The following POR variants were observed in gnomAD, a reference collection of about 807,000 sequenced individuals.
The protein encoded by POR is NADPH--cytochrome P450 reductase.
A neutral mutation model predicts 84.0 loss-of-function variants in POR; 56 were observed. That is an observed-to-expected ratio of 0.67 (90% CI 0.54 to 0.83). The LOEUF is 0.83. Among genes scored for constraint, POR ranks in the 40% least tolerant of loss-of-function variants. The pLI is 0.00. For missense variants in POR, 938 were observed against 944.3 expected, an observed-to-expected ratio of 0.99 and a Z score of 0.09; for synonymous variants, 414 against 400.5, an observed-to-expected ratio of 1.03 and a Z score of -0.40.
At chr7:75,926,512 C>T (rs1430268837) in intron 1 of POR, among the ~76,000 whole-genome samples, 2 of 152,156 alleles carry the variant, frequency 1.3e-5, no homozygotes, top group African/African-American at 4.8e-5. Context: ...ATATTGAGTG[C>T]TGGCCAGGTG....
intron 2 of POR, among the ~76,000 whole-genome samples, chr7:75,955,880 C>A (rs2116432719): frequency 1.3e-5 from 2 of 152,342 alleles, no homozygotes; most frequent in Admixed American, 1.3e-4. Flanking sequence ...AATCCCGATT[C>A]CCTATTCCAA....
rs993184212 is a variant in POR at position 75,953,176 on chromosome 7, A to G, written c.-4-813A>G. Among the ~76,000 whole-genome samples, 7 of 152,086 alleles carry G rather than the reference A, an allele frequency of 4.6e-5. No homozygotes were observed. The East Asian group carries it at 1.2e-3, about 25-fold the overall frequency. ...CACCAAAAAAATACGAGAACCAGTCAGGCGTGGCGGCGCGCGCCTGCAATC... is the reference window on the plus strand; with the variant it reads ...CACCAAAAAAATACGAGAACCAGTCGGGCGTGGCGGCGCGCGCCTGCAATC... On this transcript the variant is annotated intron_variant, in intron 1 of 15. Transcript: ENST00000461988.
At chr7:75,960,563 A>T (rs1554554352) in intron 2 of POR, among the ~76,000 whole-genome samples, 1 of 152,006 alleles carries the variant, frequency 6.6e-6, no homozygotes, top group Non-Finnish European at 1.5e-5. Flanking sequence ...TCCCTGCCTC[A>T]GCCTTGCAAA....
intron 5 of POR, 60 bp from the exon 6 acceptor site, chr7:75,980,986 ATG>A: frequency 6.7e-7 from 1 of 1,490,446 alleles, no homozygotes. Flanking sequence ...CCCTGCCCCC[ATG>A]GCCCCTCCCA....
chr7:75,974,631 A>G (rs370678315), intron 3 of POR, among the ~76,000 whole-genome samples: 7 of 150,530 alleles, frequency 4.7e-5, no homozygotes, highest in African/African-American at 1.5e-4. Flanking sequence ...GGTTCAAGCA[A>G]TTCTCATGCC....
intron 3 of POR, among the ~76,000 whole-genome samples, chr7:75,978,210 T>C (rs956006903): frequency 1.3e-5 from 2 of 152,152 alleles, no homozygotes; most frequent in African/African-American, 4.8e-5. Flanking sequence ...TATACATATC[T>C]ATTATTTATA....
intron 1 of POR, among the ~76,000 whole-genome samples, chr7:75,929,275 T>C (rs1360426631): frequency 1.3e-5 from 2 of 152,062 alleles, no homozygotes; most frequent in Non-Finnish European, 2.9e-5. Flanking sequence ...ACTTTTTTTG[T>C]TTTTTTGAGA....
intron 1 of POR, among the ~76,000 whole-genome samples, chr7:75,938,460 C>T (rs952237503): frequency 8.5e-5 from 13 of 152,168 alleles, no homozygotes; most frequent in Non-Finnish European, 1.5e-5. Context: ...CTGGGTGTCT[C>T]TTAAAAGTTT....
At chr7:75,935,242 G>C (rs1274318712) in intron 1 of POR, among the ~76,000 whole-genome samples, 3 of 152,080 alleles carry the variant, frequency 2.0e-5, no homozygotes, top group South Asian at 4.1e-4. Context: ...ATGACTGTCT[G>C]CCAGGTGCGG....
chr7:75,981,001 G>T, intron 5 of POR, 47 bp from the exon 6 acceptor site: 1 of 1,513,204 alleles, frequency 6.6e-7, no homozygotes, highest in South Asian at 1.3e-5. Flanking sequence ...CCCTCCCACT[G>T]GTCAGGTCGA....
At chr7:75,982,875 C>T (rs1789138652) in intron 8 of POR, among the ~76,000 whole-genome samples, 2 of 152,162 alleles carry the variant, frequency 1.3e-5, no homozygotes, top group Non-Finnish European at 2.9e-5. Flanking sequence ...CGGTGTAGTC[C>T]AGGACGTGTG....
At chr7:75,950,037 TA>T (rs1426888072) in intron 1 of POR, among the ~76,000 whole-genome samples, 1 of 151,442 alleles carries the variant, frequency 6.6e-6, no homozygotes, top group Non-Finnish European at 1.5e-5. Context: ...TAATTTCTTG[TA>T]TTTTTTTTTT....
chr7:75,918,974 T>C (rs975832400), intron 1 of POR, among the ~76,000 whole-genome samples: 39 of 151,328 alleles, frequency 2.6e-4, no homozygotes, highest in Admixed American at 1.1e-3. Flanking sequence ...AGGTCAGGGC[T>C]ATGTGACTAG....
chr7:75,956,888 G>T (rs1255040457), intron 2 of POR, among the ~76,000 whole-genome samples: 1 of 152,082 alleles, frequency 6.6e-6, no homozygotes, highest in Admixed American at 6.5e-5. Context: ...ACCACGCCTG[G>T]CTAATTTTTG....
In POR at chr7:75,917,548, T is replaced by C. The variant is rs544902051; in HGVS notation, c.-5+2369T>C. On this transcript the variant is annotated intron_variant, in intron 1 of 15. Transcript: ENST00000461988. Reference sequence around the variant, plus strand: ...GCACTAGCACCGTGTGTGGCCTCAATTGAGCATGTTGGGATTTAACTTTCT... The same window carrying C: ...GCACTAGCACCGTGTGTGGCCTCAACTGAGCATGTTGGGATTTAACTTTCT... Among the ~76,000 whole-genome samples, 41 of 152,230 alleles carry C rather than the reference T, an allele frequency of 2.7e-4. No homozygotes were observed. In the South Asian group the frequency reaches 5.8e-3, roughly 22 times the overall value.
intron 2 of POR, among the ~76,000 whole-genome samples, chr7:75,960,987 C>T (rs1230878394): frequency 6.6e-6 from 1 of 152,140 alleles, no homozygotes; most frequent in East Asian, 1.9e-4. Context: ...AATCCCAGCA[C>T]TCTGGGAGGC....
intron 1 of POR, among the ~76,000 whole-genome samples, chr7:75,933,356 A>G (rs1281409161): frequency 7.3e-6 from 1 of 137,830 alleles, no homozygotes; most frequent in Non-Finnish European, 1.6e-5. Flanking sequence ...TATAGTCACC[A>G]TGTTATACAA....
At chr7:75,927,679 T>C (rs1196591164) in intron 1 of POR, among the ~76,000 whole-genome samples, 1 of 150,870 alleles carries the variant, frequency 6.6e-6, no homozygotes, top group Non-Finnish European at 1.5e-5. Flanking sequence ...AATTTTTTTT[T>C]TTTTTTTTTG....
At chr7:75,916,789 C>T (rs1391866057) in intron 1 of POR, among the ~76,000 whole-genome samples, 3 of 152,148 alleles carry the variant, frequency 2.0e-5, no homozygotes, top group East Asian at 3.9e-4. Context: ...CAGCATTGAC[C>T]GCAGCCAATG....
Sources: allele counts gnomAD v4.1 joint callset (sites outside exome capture counted in the v4.1 genomes callset), GRCh38; gene constraint gnomAD v4.1.1; transcripts MANE v1.5; gene names NCBI Gene and HGNC (gene_info 2026-07-23, HGNC 2026-07-21).